The following ADD1 variants were observed in gnomAD, a reference collection of about 807,000 sequenced individuals.
ADD1 encodes adducin 1.
ADD1 carries 24 observed loss-of-function variants against 80.5 expected under a neutral mutation model. That is an observed-to-expected ratio of 0.30 (90% CI 0.22 to 0.42). The LOEUF (loss-of-function observed/expected upper bound fraction) is 0.42. ADD1 is among the 10% of genes least tolerant of loss of function. ADD1 has a pLI of 1.00. For synonymous variants in ADD1, 373 were observed against 393.8 expected (o/e 0.95, Z 0.63); for missense variants, 948 against 1,019.0 (o/e 0.93, Z 0.95).
intron 15 of ADD1, among the ~76,000 whole-genome samples, chr4:2,927,868 C>G (rs1387427284): frequency 1.3e-5 from 2 of 152,238 alleles, no homozygotes; most frequent in East Asian, 3.9e-4. Flanking sequence ...TTTAGTCGTC[C>G]TCAGCTTGTG....
intron 14 of ADD1, among the ~76,000 whole-genome samples, chr4:2,923,918 A>G (rs1214950216): frequency 1.3e-5 from 2 of 152,264 alleles, no homozygotes; most frequent in African/African-American, 4.8e-5. Flanking sequence ...TGGTCACAGC[A>G]GTCAGCCCCG....
Position 2,928,174 on chromosome 4 carries a change from T to A in ADD1, c.2051T>A (p.Leu684His), listed in dbSNP as rs780431338. 4.4e-5 allele frequency: 71 copies of A among 1,613,974 alleles called. No homozygotes were observed. The East Asian group carries it at 1.6e-3, about 35-fold the overall frequency. ...CATCTCTCACCTCACCCACTAGACC[T>A]TGTGCCGGAGCCGACTACTGGAGAT... is the stretch of plus-strand genomic sequence containing the variant. ...PSTPIKLEED[L>H]VPEPTTGDDS... Residue 684 changes from leucine to histidine, a missense_variant, in exon 16 of 16, where the codon CTT becomes CAT. Transcript: ENST00000683351.
At chr4:2,898,363 C>T in intron 7 of ADD1, 36 bp downstream of exon 7, 1 of 1,614,098 alleles carries the variant, frequency 6.2e-7, no homozygotes, top group Non-Finnish European at 8.5e-7. Context: ...TAAATTACAG[C>T]AGAAAGAAGA....
intron 1 of ADD1, among the ~76,000 whole-genome samples, chr4:2,874,192 G>T (rs1730881732): frequency 6.6e-6 from 1 of 152,178 alleles, no homozygotes; most frequent in African/African-American, 2.4e-5. Context: ...TTCCAGCCTG[G>T]GTGGCAGAAT....
At chr4:2,904,584 A>T in intron 9 of ADD1, 180 bp from the exon 10 acceptor site, 1 of 626,488 alleles carries the variant, frequency 1.6e-6, no homozygotes, top group Non-Finnish European at 2.8e-6. Context: ...TCCACATTTT[A>T]GTACCTGGTT....
intron 13 of ADD1, among the ~76,000 whole-genome samples, chr4:2,913,993 A>C (rs1266198299): frequency 6.7e-6 from 1 of 149,004 alleles, no homozygotes; most frequent in Non-Finnish European, 1.5e-5. Context: ...TGGGAGGTGG[A>C]GCTTGCAGCG....
chr4:2,868,185 G>A (rs1455396572), intron 1 of ADD1: 2 of 152,350 alleles, frequency 1.3e-5, no homozygotes, highest in East Asian at 3.9e-4. Context: ...AGTACTGTAA[G>A]CAGTGGGGGG....
At chr4:2,868,918 G>A (rs1729980150) in intron 1 of ADD1, among the ~76,000 whole-genome samples, 1 of 152,114 alleles carries the variant, frequency 6.6e-6, no homozygotes, top group South Asian at 2.1e-4. Context: ...AGAATAGAGA[G>A]AATAGTTAAA....
intron 4 of ADD1, among the ~76,000 whole-genome samples, chr4:2,892,585 T>G (rs1280902815): frequency 1.3e-5 from 2 of 152,090 alleles, no homozygotes; most frequent in Admixed American, 6.6e-5. Flanking sequence ...AGCCTAGCAT[T>G]TTGAGAGGCT....
rs35341139 is a variant in ADD1 at position 2,856,584 on chromosome 4, G to GTTT, written c.-21+12580_-21+12582dup. Among the ~76,000 whole-genome samples the GTTT allele has an allele frequency of 8.0e-4, 85 of 105,778 alleles. 2 individuals carry two copies. The highest frequency in any genetic ancestry group is 1.5e-3 in the Admixed American group (15 of 9,842). The allele number at this position is 105,778 out of a possible 152,430, so 69.4% of individuals were successfully genotyped here. On this transcript the variant is annotated intron_variant, in intron 1 of 15. Transcript: ENST00000683351. ...GTTACTCAAGTAAATGGTTACTAGA[G>GTTT]TTTTTTTTTTTTTTTTTTTTTTCCT...
rs1712343101 is a variant in ADD1 at position 2,928,451 on chromosome 4, C to T, written c.2328C>T (p.Ser776=). ...GCAGCGATGGGTCTCCAGGCAAGTC[C>T]CCGTCCAAAAAGAAGAAGAAGTTCC... ...DPGSDGSPGK[S]PSKKKKKFRT... The change falls in exon 16 of 16, where the codon TCC becomes TCT. Residue 776 remains serine (S), a synonymous_variant. Coordinates refer to ENST00000683351, the MANE Select transcript of ADD1 (RefSeq NM_001354761.2). 2 of 1,613,486 alleles carry T rather than the reference C, an allele frequency of 1.2e-6. No homozygotes were observed. Among genetic ancestry groups the T allele is most frequent in the Middle Eastern group, 1.6e-4 (1 of 6,084 alleles).
intron 1 of ADD1, among the ~76,000 whole-genome samples, chr4:2,856,704 G>A (rs954024678): frequency 2.0e-5 from 3 of 146,396 alleles, no homozygotes; most frequent in East Asian, 4.0e-4. Flanking sequence ...TGATTCTCTC[G>A]TCTCAGCCTC....
chr4:2,883,288 T>C (rs1732683589), intron 3 of ADD1, among the ~76,000 whole-genome samples: 1 of 152,174 alleles, frequency 6.6e-6, no homozygotes, highest in South Asian at 2.1e-4. Context: ...TAAGTTGGTT[T>C]CCAATCATCC....
At chr4:2,911,027 C>T (rs1737929553) in intron 13 of ADD1, among the ~76,000 whole-genome samples, 1 of 152,188 alleles carries the variant, frequency 6.6e-6, no homozygotes, top group Non-Finnish European at 1.5e-5. Context: ...GAGTCCTTTA[C>T]TGGGCAATTG....
chr4:2,927,309 C>T (rs1336224739), intron 15 of ADD1, among the ~76,000 whole-genome samples: 1 of 152,224 alleles, frequency 6.6e-6, no homozygotes, highest in Non-Finnish European at 1.5e-5. Context: ...CCTGGGGCAG[C>T]TGGCAGGGTG....
intron 4 of ADD1, among the ~76,000 whole-genome samples, chr4:2,886,602 CT>C (rs1358933020): frequency 1.3e-5 from 2 of 152,176 alleles, no homozygotes; most frequent in Admixed American, 6.5e-5. Flanking sequence ...GGGAGAGCGT[CT>C]GTTGTGGTCC....
At chr4:2,862,709 C>T (rs1728985553) in intron 1 of ADD1, among the ~76,000 whole-genome samples, 2 of 152,182 alleles carry the variant, frequency 1.3e-5, no homozygotes, top group Admixed American at 6.5e-5. Context: ...ACTCCCAGTT[C>T]CCTACCCATA....
At chr4:2,860,996 T>C (rs1406906078) in intron 1 of ADD1, among the ~76,000 whole-genome samples, 1 of 152,290 alleles carries the variant, frequency 6.6e-6, no homozygotes, top group East Asian at 1.9e-4. Context: ...GGGACTATTC[T>C]AAATAGGGTG....
chr4:2,864,289 C>T (rs988654301), intron 1 of ADD1, among the ~76,000 whole-genome samples: 6 of 151,966 alleles, frequency 3.9e-5, no homozygotes, highest in African/African-American at 7.2e-5. Context: ...GGCGTGTGCC[C>T]GTAGTCCCAG....
Sources: allele counts gnomAD v4.1 joint callset (sites outside exome capture counted in the v4.1 genomes callset), GRCh38; gene constraint gnomAD v4.1.1; transcripts MANE v1.5; gene names NCBI Gene and HGNC (gene_info 2026-07-23, HGNC 2026-07-21).